Variants in GLI2 observed in about 807,000 individuals in gnomAD.
GLI2 encodes GLI family zinc finger 2.
A neutral mutation model predicts 78.9 loss-of-function variants in GLI2; 22 were observed. That is an observed-to-expected ratio of 0.28 (90% CI 0.20 to 0.40). The LOEUF (loss-of-function observed/expected upper bound fraction) is 0.40, where lower values mean the gene tolerates loss of function less well. Ranked by LOEUF, GLI2 falls within the 10% of genes least tolerant of loss-of-function variation. The pLI is 1.00. For synonymous variants in GLI2, 974 were observed against 963.7 expected, an observed-to-expected ratio of 1.01 and a Z score of -0.20; for missense variants, 2,097 against 2,213.2, an observed-to-expected ratio of 0.95 and a Z score of 1.05.
rs114444332 is a variant in GLI2 at position 120,803,017 on chromosome 2, C to T, written c.148+5549C>T. ...CTGATACACTCCTAAGTTGGAGAAC[C>T]GCATGTTCTGACTACATGAGGTAGG... On this transcript the variant is annotated intron_variant, in intron 2 of 13. Coordinates refer to ENST00000361492, the MANE Select transcript of GLI2 (RefSeq NM_001374353.1). Among the ~76,000 whole-genome samples, 234 of 152,334 alleles carry T rather than the reference C, an allele frequency of 1.5e-3. 2 individuals are homozygous for T. The highest frequency in any genetic ancestry group is 5.3e-3 in the African/African-American group (220 of 41,568).
chr2:120,834,723 T>G (rs147293407), intron 2 of GLI2, among the ~76,000 whole-genome samples: 5 of 152,298 alleles, frequency 3.3e-5, no homozygotes, highest in Non-Finnish European at 5.9e-5. Context: ...CCTGGATTTC[T>G]TTTGCACCTG....
intron 2 of GLI2, among the ~76,000 whole-genome samples, chr2:120,807,912 A>C: frequency 6.9e-6 from 1 of 144,870 alleles, no homozygotes; most frequent in Admixed American, 6.8e-5. Context: ...CTGGGTGGGC[A>C]GGGTGGGGAG....
intron 1 of GLI2, among the ~76,000 whole-genome samples, chr2:120,736,495 G>C (rs1310929250): frequency 6.6e-6 from 1 of 151,956 alleles, no homozygotes; most frequent in Non-Finnish European, 1.5e-5. Context: ...AGCAGGGCGG[G>C]GACGTAAGGA....
At chr2:120,837,319 A>G (rs999143594) in intron 2 of GLI2, among the ~76,000 whole-genome samples, 43 of 148,098 alleles carry the variant, frequency 2.9e-4, no homozygotes, top group African/African-American at 1.0e-3. Flanking sequence ...GCGTGAACCC[A>G]GGAGGCGGAG....
chr2:120,956,795 G>T (rs1681287377), intron 5 of GLI2, among the ~76,000 whole-genome samples: 1 of 152,086 alleles, frequency 6.6e-6, no homozygotes, highest in Non-Finnish European at 1.5e-5. Context: ...GTTGGGGTGG[G>T]CTGGTGGGAA....
chr2:120,804,582 A>C (rs1196169525), intron 2 of GLI2, among the ~76,000 whole-genome samples: 2 of 92,052 alleles, frequency 2.2e-5, no homozygotes, highest in South Asian at 8.8e-4. Context: ...TTTGCCTTGG[A>C]CCTGATGCAC....
intron 1 of GLI2, among the ~76,000 whole-genome samples, chr2:120,783,630 A>G (rs909540897): frequency 3.3e-5 from 5 of 152,028 alleles, no homozygotes; most frequent in African/African-American, 4.8e-5. Flanking sequence ...AAGTGCAGGA[A>G]CAAGCAGGAG....
At chr2:120,909,820 A>C (rs192165830) in intron 2 of GLI2, among the ~76,000 whole-genome samples, 4 of 152,162 alleles carry the variant, frequency 2.6e-5, no homozygotes, top group Non-Finnish European at 4.4e-5. Context: ...AGCTGAGATC[A>C]CGCCACTGCA....
At position 120,988,779 on chromosome 2, in the gene GLI2, C is replaced by T. The variant is rs1287129677; in HGVS notation, c.2814C>T (p.Pro938=). 2.3e-6 allele frequency: 3 copies of T among 1,329,250 alleles called. No homozygotes were observed. The highest frequency in any genetic ancestry group is 2.9e-6 in the Non-Finnish European group (3 of 1,040,434). 82.3% of individuals were successfully genotyped at this position (1,329,250 alleles called of 1,614,324 possible). Residue 938 remains proline, a synonymous_variant, in exon 14 of 14, where the codon CCC becomes CCT. Transcript: ENST00000361492. ...TYGHGHAGAA[P]AFPHEAPGGG... is the part of the protein sequence containing the mutation. ...GCCACGGCCACGCGGGGGCTGCGCC[C>T]GCCTTCCCCCACGAGGCTCCAGGCG...
Position 120,808,035 on chromosome 2 carries a change from T to C in GLI2, c.148+10567T>C, listed in dbSNP as rs189663079. 4.2e-3 allele frequency among the ~76,000 whole-genome samples: 634 copies of C among 152,158 alleles called. 14 individuals carry two copies. The highest frequency in any genetic ancestry group is 0.037 in the Admixed American group (566 of 15,274). On this transcript the variant is annotated intron_variant, in intron 2 of 13. Coordinates refer to ENST00000361492, the MANE Select transcript of GLI2 (RefSeq NM_001374353.1). ...GACCTCTGCTTTGTGTTTTGGGGGA[T>C]TGTGAAGCTTGAAACCCTGGCACCA... is the stretch of plus-strand genomic sequence containing the variant.
At chr2:120,846,498 G>A (rs1687123540) in intron 2 of GLI2, among the ~76,000 whole-genome samples, 1 of 152,250 alleles carries the variant, frequency 6.6e-6, no homozygotes, top group Non-Finnish European at 1.5e-5. Flanking sequence ...TGAGTGCACA[G>A]GTGGTGGTAC....
intron 1 of GLI2, among the ~76,000 whole-genome samples, chr2:120,741,028 C>G (rs1682521481): frequency 6.6e-6 from 1 of 152,212 alleles, no homozygotes; most frequent in South Asian, 2.1e-4. Flanking sequence ...GCAACCACGC[C>G]GCAGCCCTTA....
At chr2:120,902,210 C>T (rs1678300828) in intron 2 of GLI2, among the ~76,000 whole-genome samples, 1 of 135,876 alleles carries the variant, frequency 7.4e-6, no homozygotes, top group Non-Finnish European at 1.6e-5. Flanking sequence ...CAACCCCTTG[C>T]CCCATTGCTT....
chr2:120,852,339 G>C lies in GLI2; in HGVS notation c.148+54871G>C, dbSNP rs576220345. ...GGGGCTCCTCCTGAGCTCCATTTTC[G>C]GGCCAGCTCTGTGCTGGGCTTGGGT... On this transcript the variant is annotated intron_variant, in intron 2 of 13. Transcript: ENST00000361492. Among the ~76,000 whole-genome samples the C allele has an allele frequency of 1.2e-4, 18 of 152,292 alleles. No homozygotes were observed. In the South Asian group the frequency reaches 2.7e-3, roughly 23 times the overall value.
intron 1 of GLI2, among the ~76,000 whole-genome samples, chr2:120,760,320 G>C (rs1337142251): frequency 6.6e-6 from 1 of 152,124 alleles, no homozygotes; most frequent in Non-Finnish European, 1.5e-5. Context: ...GGTCTTATGT[G>C]GGGGGTCCAA....
At chr2:120,875,694 C>T (rs1415433492) in intron 2 of GLI2, among the ~76,000 whole-genome samples, 10 of 152,004 alleles carry the variant, frequency 6.6e-5, no homozygotes, top group Non-Finnish European at 1.2e-4. Context: ...CGGTCAGGCA[C>T]GATCTAAACC....
At chr2:120,891,578 T>G (rs1677682827) in intron 2 of GLI2, among the ~76,000 whole-genome samples, 3 of 152,096 alleles carry the variant, frequency 2.0e-5, no homozygotes, top group Non-Finnish European at 4.4e-5. Context: ...TGGGCTATGC[T>G]GGGAGAAATC....
intron 1 of GLI2, among the ~76,000 whole-genome samples, chr2:120,747,010 G>T (rs537817010): frequency 6.6e-6 from 1 of 152,050 alleles, no homozygotes; most frequent in African/African-American, 2.4e-5. Context: ...ATACCATTGG[G>T]CATTTAGACT....
At chr2:120,852,145 T>C (rs1193533351) in intron 2 of GLI2, among the ~76,000 whole-genome samples, 1 of 152,094 alleles carries the variant, frequency 6.6e-6, no homozygotes, top group Non-Finnish European at 1.5e-5. Context: ...AGTTGTAGGA[T>C]TAGAACCCAG....
Sources: allele counts gnomAD v4.1 joint callset (sites outside exome capture counted in the v4.1 genomes callset), GRCh38; gene constraint gnomAD v4.1.1; transcripts MANE v1.5; gene names NCBI Gene and HGNC (gene_info 2026-07-23, HGNC 2026-07-21).